The following CSMD3 variants were observed in gnomAD, a reference collection of about 807,000 sequenced individuals.
The protein encoded by CSMD3 is CUB and Sushi multiple domains 3, also known as CUB and sushi domain-containing protein 3.
A neutral mutation model predicts 435.2 loss-of-function variants in CSMD3; 177 were observed. The observed-to-expected ratio is 0.41, with a 90% CI of 0.36 to 0.46. The LOEUF (loss-of-function observed/expected upper bound fraction) is 0.46. Ranked by LOEUF, CSMD3 falls within the 20% of genes least tolerant of loss-of-function variation. The pLI is 0.34. For missense variants in CSMD3, 4,265 were observed against 4,504.6 expected (o/e 0.95, Z 1.52); for synonymous variants, 1,656 against 1,520.5 (o/e 1.09, Z -2.07).
At chr8:112,319,604 T>C (rs1171235713) in intron 46 of CSMD3, among the ~76,000 whole-genome samples, 1 of 152,168 alleles carries the variant, frequency 6.6e-6, no homozygotes, top group South Asian at 2.1e-4. Context: ...AGAACTATAG[T>C]GTCAGAAGGC....
chr8:112,350,097 T>G (rs1826006910), intron 40 of CSMD3, among the ~76,000 whole-genome samples: 1 of 152,134 alleles, frequency 6.6e-6, no homozygotes, highest in South Asian at 2.1e-4. Flanking sequence ...GAGAGGCCCT[T>G]AGAAGATACC....
At position 112,867,328 on chromosome 8, in the gene CSMD3, G is replaced by A. The variant is rs577972324; in HGVS notation, c.1634-8062C>T. 2.6e-5 allele frequency among the ~76,000 whole-genome samples: 4 copies of A among 152,152 alleles called. No individual in the cohort carries two copies. In the South Asian group the frequency reaches 8.3e-4, roughly 32 times the overall value. ...GGCTGATAGTTTGAGTTTCTGTCAT[G>A]GCATATCATTCCCCTCAAATAGCCA... On this transcript the variant is annotated intron_variant, in intron 10 of 70. Transcript: ENST00000297405.
intron 32 of CSMD3, among the ~76,000 whole-genome samples, chr8:112,410,503 T>C (rs995318694): frequency 1.4e-5 from 2 of 141,444 alleles, no homozygotes; most frequent in Non-Finnish European, 3.1e-5. Context: ...CAAATATATA[T>C]ATATATATAT....
At chr8:113,426,197 C>T (rs746329507) in intron 1 of CSMD3, among the ~76,000 whole-genome samples, 1 of 151,360 alleles carries the variant, frequency 6.6e-6, no homozygotes, top group African/African-American at 2.4e-5. Flanking sequence ...AGCATAAATT[C>T]ATTACTAACA....
At chr8:112,961,029 T>C (rs2130863212) in intron 7 of CSMD3, among the ~76,000 whole-genome samples, 1 of 151,908 alleles carries the variant, frequency 6.6e-6, no homozygotes, top group East Asian at 1.9e-4. Flanking sequence ...GCTCAATTTT[T>C]AGGTGAAAGA....
intron 5 of CSMD3, among the ~76,000 whole-genome samples, chr8:113,094,034 T>C (rs1253889342): frequency 6.6e-6 from 1 of 152,164 alleles, no homozygotes; most frequent in African/African-American, 2.4e-5. Flanking sequence ...CATATTCTTT[T>C]TGGAATAGTG....
At chr8:112,262,425 T>A (rs1188484291) in intron 61 of CSMD3, among the ~76,000 whole-genome samples, 1 of 152,188 alleles carries the variant, frequency 6.6e-6, no homozygotes, top group African/African-American at 2.4e-5. Context: ...ACAAAAAAAA[T>A]TCTCTGCTTT....
chr8:112,457,299 T>C (rs1281972289), intron 32 of CSMD3, among the ~76,000 whole-genome samples: 1 of 152,068 alleles, frequency 6.6e-6, no homozygotes, highest in Non-Finnish European at 1.5e-5. Flanking sequence ...GAAGTTTCCC[T>C]GCATGGGGAA....
At chr8:112,349,957 GT>G (rs1204878681) in intron 40 of CSMD3, among the ~76,000 whole-genome samples, 1 of 152,042 alleles carries the variant, frequency 6.6e-6, no homozygotes, top group Non-Finnish European at 1.5e-5. Context: ...GGTACTTAAG[GT>G]TAAATGAGGT....
chr8:112,900,680 A>G (rs572624551), intron 10 of CSMD3, among the ~76,000 whole-genome samples: 4 of 151,410 alleles, frequency 2.6e-5, no homozygotes, highest in African/African-American at 9.7e-5. Flanking sequence ...TATAGTCCAT[A>G]ACAAATTTGT....
intron 59 of CSMD3, among the ~76,000 whole-genome samples, chr8:112,276,852 G>T (rs935271145): frequency 6.6e-6 from 1 of 151,930 alleles, no homozygotes; most frequent in African/African-American, 2.4e-5. Context: ...CTTGGGGCTT[G>T]CACACTCCAA....
intron 1 of CSMD3, among the ~76,000 whole-genome samples, chr8:113,391,867 G>A (rs900450893): frequency 6.6e-6 from 1 of 151,982 alleles, no homozygotes; most frequent in Non-Finnish European, 1.5e-5. Flanking sequence ...GAAAGATAAT[G>A]AAACAAAGCA....
At chr8:112,565,445 T>C (rs567276730) in intron 24 of CSMD3, among the ~76,000 whole-genome samples, 12 of 152,264 alleles carry the variant, frequency 7.9e-5, no homozygotes, top group African/African-American at 2.9e-4. Flanking sequence ...TTCACAAGGC[T>C]AGTATGCAAG....
intron 31 of CSMD3, among the ~76,000 whole-genome samples, chr8:112,478,088 G>A (rs1323558557): frequency 6.6e-6 from 1 of 152,174 alleles, no homozygotes; most frequent in Non-Finnish European, 1.5e-5. Context: ...CACGTAAAAT[G>A]TGACTTGCTC....
intron 13 of CSMD3, among the ~76,000 whole-genome samples, chr8:112,789,668 A>C (rs2132282652): frequency 6.6e-6 from 1 of 152,152 alleles, no homozygotes; most frequent in Non-Finnish European, 1.5e-5. Context: ...CTTTTCACTT[A>C]ATTAAACAAA....
intron 13 of CSMD3, among the ~76,000 whole-genome samples, chr8:112,727,839 A>C (rs2131997785): frequency 6.6e-6 from 1 of 152,026 alleles, no homozygotes; most frequent in South Asian, 2.1e-4. Context: ...TAAACTGTTT[A>C]AAATGTGAAT....
intron 22 of CSMD3, among the ~76,000 whole-genome samples, chr8:112,626,876 A>C (rs1046007363): frequency 6.6e-6 from 1 of 152,146 alleles, no homozygotes; most frequent in Non-Finnish European, 1.5e-5. Flanking sequence ...GACTTATAGC[A>C]AAAAATTGCT....
intron 12 of CSMD3, among the ~76,000 whole-genome samples, chr8:112,809,006 G>T (rs2079157803): frequency 6.6e-6 from 1 of 151,838 alleles, no homozygotes; most frequent in Admixed American, 6.6e-5. Flanking sequence ...GATAAAAATG[G>T]CCTAGCATTT....
intron 17 of CSMD3, among the ~76,000 whole-genome samples, chr8:112,662,762 G>T (rs1026643407): frequency 6.6e-6 from 1 of 152,032 alleles, no homozygotes; most frequent in Non-Finnish European, 1.5e-5. Flanking sequence ...GAAAATTTTT[G>T]CAATCTACTC....
Sources: gnomAD v4.1 joint callset for allele counts (sites outside exome capture counted in the v4.1 genomes callset) on GRCh38, gnomAD v4.1.1 for gene constraint, MANE v1.5 for transcripts, NCBI Gene and HGNC (gene_info 2026-07-23, HGNC 2026-07-21) for gene names.